GTF3C2: variants seen among roughly 807,000 people sequenced by gnomAD.
The protein encoded by GTF3C2 is general transcription factor IIIC subunit 2.
GTF3C2 carries 17 observed loss-of-function variants against 117.4 expected under a neutral mutation model. The observed-to-expected ratio is 0.14, with a 90% CI of 0.10 to 0.22. GTF3C2 has a LOEUF of 0.22. GTF3C2 is among the 10% of genes least tolerant of loss of function. GTF3C2 has a pLI of 1.00. For synonymous variants in GTF3C2, 437 were observed against 427.0 expected (o/e 1.02, Z -0.29); for missense variants, 888 against 1,143.6 (o/e 0.78, Z 3.22).
At chr2:27,347,612 T>C (rs1489238804) in intron 1 of GTF3C2, among the ~76,000 whole-genome samples, 1 of 152,226 alleles carries the variant, frequency 6.6e-6, no homozygotes, top group Admixed American at 6.5e-5. Context: ...AGTACCCTTT[T>C]GAAGAAGTGA....
exon 17 of GTF3C2, chr2:27,328,039 A>C: frequency 1.9e-6 from 3 of 1,609,838 alleles, no homozygotes; most frequent in Non-Finnish European, 2.5e-6. Context: ...CAGCTTACCA[A>C]ATCTGTGTCT....
intron 3 of GTF3C2, chr2:27,342,554 T>G: frequency 1.8e-6 from 1 of 555,542 alleles, no homozygotes; most frequent in Non-Finnish European, 3.2e-6. Context: ...TACTGACATA[T>G]ACTGGACAGT....
At chr2:27,342,668 G>C in intron 3 of GTF3C2, 158 bp downstream of exon 3, 1 of 620,366 alleles carries the variant, frequency 1.6e-6, no homozygotes, top group Non-Finnish European at 2.9e-6. Flanking sequence ...ACCATTAATA[G>C]TGCTGCGGTA....
At chr2:27,336,291 G>A in exon 8 of GTF3C2, 4 of 1,614,092 alleles carry the variant, frequency 2.5e-6, no homozygotes, top group Non-Finnish European at 3.4e-6. Flanking sequence ...ATTCATGTCA[G>A]GGCTGGAGAA....
chr2:27,350,367 G>A, intron 1 of GTF3C2: 1 of 966,968 alleles, frequency 1.0e-6, no homozygotes, highest in Non-Finnish European at 1.2e-6. Context: ...AAGCTCTTCA[G>A]GGGATTCTGA....
At chr2:27,333,331 T>G (rs1680344300) in intron 12 of GTF3C2, among the ~76,000 whole-genome samples, 1 of 151,828 alleles carries the variant, frequency 6.6e-6, no homozygotes, top group Non-Finnish European at 1.5e-5. Flanking sequence ...TTTTGTATTT[T>G]TTTGGTAGAG....
intron 1 of GTF3C2, among the ~76,000 whole-genome samples, chr2:27,348,624 C>T (rs13421050): frequency 0.021 from 3,143 of 151,410 alleles, 105 homozygotes; most frequent in African/African-American, 0.071. Context: ...GCCAACATAG[C>T]GAAACCCCAT....
At chr2:27,352,279 C>G (rs1681165432) in intron 1 of GTF3C2, among the ~76,000 whole-genome samples, 1 of 152,222 alleles carries the variant, frequency 6.6e-6, no homozygotes, top group Non-Finnish European at 1.5e-5. Context: ...ATCCCACTTT[C>G]TCTCTAGTCA....
chr2:27,330,719 A>AG (rs1680247272), intron 12 of GTF3C2, among the ~76,000 whole-genome samples: 1 of 152,258 alleles, frequency 6.6e-6, no homozygotes, highest in East Asian at 1.9e-4. Context: ...TCAGCACTTT[A>AG]GGAGGCCAGG....
chr2:27,334,593 C>A (rs1385952895), intron 10 of GTF3C2, among the ~76,000 whole-genome samples: 4 of 152,048 alleles, frequency 2.6e-5, no homozygotes, highest in Non-Finnish European at 5.9e-5. Context: ...CCTTTATTGA[C>A]CACACTTAGG....
chr2:27,336,217 T>TCCCAAGGC lies in GTF3C2; in HGVS notation c.1328_1335dup (p.Thr446AlafsTer86). 1 of 1,613,558 alleles carries TCCCAAGGC rather than the reference T, an allele frequency of 6.2e-7. No homozygotes were observed. On this transcript the variant is annotated frameshift_variant, in exon 8 of 19. Coordinates refer to ENST00000264720, the Ensembl canonical transcript of GTF3C2. LOFTEE classifies it high-confidence loss of function. Reference sequence around the variant, plus strand: ...CCTCACCAGCTTTCTTGCTGCAAGGTCCCAAGGCCCCAGAGCTGGAGCAGC... The same window carrying TCCCAAGGC: ...CCTCACCAGCTTTCTTGCTGCAAGGTCCCAAGGCCCCAAGGCCCCAGAGCTGGAGCAGC...
At position 27,329,725 on chromosome 2, in the gene GTF3C2, C is replaced by A. The variant is rs1354378238; in HGVS notation, c.1733-202G>T. On this transcript the variant is annotated intron_variant, in intron 12 of 18. Coordinates refer to ENST00000264720, the Ensembl canonical transcript of GTF3C2. The surrounding 1 kb of genome is among the most constrained non-coding windows in gnomAD (Gnocchi z 4.5). ...CTGGTATTTTAACCCTAATTCTCAT[C>A]AACAAAAAAGTAATAGCTTTGTCTG... Among the ~76,000 whole-genome samples the A allele has an allele frequency of 6.6e-5, 10 of 152,080 alleles. No individual in the cohort carries two copies. Among genetic ancestry groups the A allele is most frequent in the Non-Finnish European group, 1.3e-4 (9 of 67,994 alleles).
intron 1 of GTF3C2, among the ~76,000 whole-genome samples, chr2:27,346,900 T>C (rs1300863641): frequency 1.3e-5 from 2 of 152,128 alleles, no homozygotes; most frequent in African/African-American, 2.4e-5. Context: ...CTTGCTATTT[T>C]GCCCAGGCTT....
chr2:27,328,960 T>C, intron 14 of GTF3C2, 29 bp from the exon 15 acceptor site: 1 of 1,522,296 alleles, frequency 6.6e-7, no homozygotes, highest in Non-Finnish European at 9.1e-7. Flanking sequence ...ATTTAAACCT[T>C]CCTTTTCTTT....
intron 12 of GTF3C2, among the ~76,000 whole-genome samples, chr2:27,332,082 T>C (rs1680291436): frequency 6.6e-6 from 1 of 152,194 alleles, no homozygotes; most frequent in Admixed American, 6.6e-5. Flanking sequence ...TTAGCCAATA[T>C]TTCAGTGTGA....
chr2:27,329,578 C>T lies in GTF3C2; in HGVS notation c.1733-55G>A. On this transcript the variant is annotated intron_variant, in intron 12 of 18. Coordinates refer to ENST00000264720, the Ensembl canonical transcript of GTF3C2. The surrounding 1 kb of genome is among the most constrained non-coding windows in gnomAD (Gnocchi z 4.5). ...AAAAGCAAGTTCTCTCTTCCTTGCT[C>T]TAATTTCTTTCTCTGGGCTCCTAGG... The T allele has an allele frequency of 6.4e-7, 1 of 1,571,370 alleles. No individual in the cohort carries two copies. The highest frequency in any genetic ancestry group is 2.2e-5 in the East Asian group (1 of 44,656).
chr2:27,353,296 G>T (rs945982502), intron 1 of GTF3C2, among the ~76,000 whole-genome samples: 2 of 151,018 alleles, frequency 1.3e-5, no homozygotes, highest in Admixed American at 6.6e-5. Flanking sequence ...AGGAGGCTGA[G>T]GCAGGAGAAT....
At chr2:27,331,354 G>A (rs1680265911) in intron 12 of GTF3C2, among the ~76,000 whole-genome samples, 1 of 152,138 alleles carries the variant, frequency 6.6e-6, no homozygotes, top group Admixed American at 6.5e-5. Flanking sequence ...TTGAAACGGA[G>A]TCTCACTCTG....
chr2:27,326,959 G>T, intron 18 of GTF3C2, 66 bp from the exon 19 acceptor site: 7 of 983,314 alleles, frequency 7.1e-6, no homozygotes, highest in South Asian at 3.1e-5. Context: ...ACTCCTAGCT[G>T]TATGAACAAA....
Sources: allele counts gnomAD v4.1 joint callset (sites outside exome capture counted in the v4.1 genomes callset), GRCh38; gene constraint gnomAD v4.1.1; non-coding constraint Gnocchi (gnomAD v3.1); transcripts MANE v1.5; gene names NCBI Gene and HGNC (gene_info 2026-07-23, HGNC 2026-07-21).